SPAM1: variants seen among roughly 807,000 people sequenced by gnomAD.
The protein encoded by SPAM1 is hyaluronidase PH-20.
Under a neutral mutation model 29.6 loss-of-function variants are expected in SPAM1, and 22 were observed. The ratio of observed to expected loss-of-function variants is 0.74; its 90% confidence interval spans 0.53 to 1.06. The LOEUF (loss-of-function observed/expected upper bound fraction) is 1.06. Ranked by LOEUF, SPAM1 falls within the 50% of genes least tolerant of loss-of-function variation. The pLI is 0.00. For missense variants in SPAM1, 534 were observed against 604.0 expected, an observed-to-expected ratio of 0.88 and a Z score of 1.21; for synonymous variants, 194 against 204.6, an observed-to-expected ratio of 0.95 and a Z score of 0.44.
At chr7:123,966,217 G>A (rs184333437) in intron 5 of SPAM1, among the ~76,000 whole-genome samples, 2 of 152,010 alleles carry the variant, frequency 1.3e-5, no homozygotes, top group Admixed American at 6.6e-5. Flanking sequence ...AAACCACAAT[G>A]AGATACCAGC....
At chr7:123,956,113 A>G (rs1792244074) in intron 4 of SPAM1, among the ~76,000 whole-genome samples, 1 of 151,994 alleles carries the variant, frequency 6.6e-6, no homozygotes, top group Admixed American at 6.6e-5. Flanking sequence ...ATGACATACT[A>G]TTTAAGTGTC....
rs550596708 is a variant in SPAM1 at position 123,936,548 on chromosome 7, C to T, written c.-319+11196C>T. On this transcript the variant is annotated intron_variant, in intron 1 of 4. Coordinates refer to ENST00000682466, the MANE Select transcript of SPAM1 (RefSeq NM_153189.3). The stretch of plus-strand genomic sequence containing the variant: ...GGAATTGCAATCTTATAGCAGTCTA[C>T]GTGATTCTGCAGCAACAGGGAAACA... Among the ~76,000 whole-genome samples, 13 of 152,150 alleles carry T rather than the reference C, an allele frequency of 8.5e-5. 1 individual carries two copies. Among genetic ancestry groups the T allele is most frequent in the East Asian group, 7.7e-4 (4 of 5,188 alleles).
chr7:123,935,272 A>C (rs1808217245), intron 1 of SPAM1, among the ~76,000 whole-genome samples: 1 of 152,086 alleles, frequency 6.6e-6, no homozygotes, highest in Non-Finnish European at 1.5e-5. Flanking sequence ...AAAATAACTA[A>C]TATGCCAAAG....
chr7:123,959,930 T>A lies in SPAM1; in HGVS notation c.1491T>A (p.Ser497Arg). ...STLSATMFIV[S>R]ILFLIISSVA... is the part of the protein sequence containing the mutation. ...TATCTGCCACAATGTTCATTGTTAG[T>A]ATTTTGTTTCTTATCATTTCTTCTG... The change falls in exon 5 of 5, where the codon AGT becomes AGA. Residue 497 changes from serine (S) to arginine (R), a missense_variant. Transcript: ENST00000682466. 6.2e-7 allele frequency: 1 copy of A among 1,611,084 alleles called. No homozygotes were observed. Among genetic ancestry groups the A allele is most frequent in the Middle Eastern group, 1.7e-4 (1 of 6,036 alleles).
chr7:123,939,696 G>A (rs1808367888), intron 1 of SPAM1, among the ~76,000 whole-genome samples: 1 of 152,138 alleles, frequency 6.6e-6, no homozygotes, highest in Admixed American at 6.5e-5. Context: ...CATTATTTTT[G>A]TCTAAGTTTC....
downstream of SPAM1, among the ~76,000 whole-genome samples, chr7:123,964,443 T>C (rs1015469801): frequency 6.6e-6 from 1 of 151,972 alleles, no homozygotes; most frequent in Non-Finnish European, 1.5e-5. Context: ...TATACAATTA[T>C]GTAATTTTTA....
chr7:123,955,712 A>G (rs1211932639), intron 4 of SPAM1, among the ~76,000 whole-genome samples: 1 of 151,980 alleles, frequency 6.6e-6, no homozygotes. Context: ...TCTTTATTTA[A>G]AAATACTCAA....
intron 1 of SPAM1, among the ~76,000 whole-genome samples, chr7:123,933,028 A>C (rs1427750240): frequency 6.6e-6 from 1 of 152,004 alleles, no homozygotes; most frequent in Non-Finnish European, 1.5e-5. Context: ...AATAGCAAAC[A>C]ATTTTTAAAA....
intron 1 of SPAM1, among the ~76,000 whole-genome samples, chr7:123,945,766 T>C (rs1808560267): frequency 6.6e-6 from 1 of 151,980 alleles, no homozygotes; most frequent in African/African-American, 2.4e-5. Context: ...AGTTGTTTTT[T>C]AAGACAGAAA....
chr7:123,955,426 C>G (rs1454877115), intron 4 of SPAM1, among the ~76,000 whole-genome samples: 1 of 151,936 alleles, frequency 6.6e-6, no homozygotes, highest in Non-Finnish European at 1.5e-5. Flanking sequence ...GTTTAATTCT[C>G]TATATCAGAT....
chr7:123,947,619 C>CACACACACAG (rs1554429695), intron 1 of SPAM1: 11 of 143,594 alleles, frequency 7.7e-5, no homozygotes, highest in African/African-American at 2.8e-4. Flanking sequence ...CACACACACA[C>CACACACACAG]AGACAGGTTC....
At chr7:123,928,130 C>A (rs1370516569) in intron 1 of SPAM1, among the ~76,000 whole-genome samples, 1 of 152,046 alleles carries the variant, frequency 6.6e-6, no homozygotes, top group East Asian at 1.9e-4. Flanking sequence ...TATAAAAAAA[C>A]CCTGCTATAA....
At chr7:123,948,564 A>G (rs1251066215) in intron 1 of SPAM1, among the ~76,000 whole-genome samples, 1 of 152,090 alleles carries the variant, frequency 6.6e-6, no homozygotes, top group Non-Finnish European at 1.5e-5. Flanking sequence ...GTCTGTAGAG[A>G]AATGGAGACT....
chr7:123,957,652 A>G (rs1261841643), intron 4 of SPAM1, among the ~76,000 whole-genome samples: 2 of 152,092 alleles, frequency 1.3e-5, no homozygotes, highest in African/African-American at 2.4e-5. Context: ...GAAGAAGTCC[A>G]ATATGGGTTT....
intron 6 of SPAM1, among the ~76,000 whole-genome samples, chr7:123,970,592 A>AAAT (rs150055865): frequency 6.4e-4 from 94 of 146,244 alleles, no homozygotes; most frequent in Non-Finnish European, 1.1e-3. Flanking sequence ...CCATCTCTAC[A>AAAT]AATAATAATA....
intron 1 of SPAM1, among the ~76,000 whole-genome samples, chr7:123,941,348 A>C (rs1178740185): frequency 6.6e-6 from 1 of 152,204 alleles, no homozygotes; most frequent in Non-Finnish European, 1.5e-5. Flanking sequence ...ATTAATCAAT[A>C]TGTGTAAGAT....
intron 1 of SPAM1, among the ~76,000 whole-genome samples, chr7:123,938,401 A>C (rs1005052297): frequency 1.3e-5 from 2 of 152,222 alleles, no homozygotes; most frequent in African/African-American, 4.8e-5. Flanking sequence ...CTGCATCCTA[A>C]GTGCTCCATT....
intron 1 of SPAM1, among the ~76,000 whole-genome samples, chr7:123,926,379 C>A (rs568803337): frequency 6.6e-6 from 1 of 152,270 alleles, no homozygotes; most frequent in African/African-American, 2.4e-5. Context: ...TTGTTCTGGG[C>A]TTATCCTTAA....
At chr7:123,971,049 A>G (rs1398153817) in exon 7 of SPAM1, 1 of 152,116 alleles carries the variant, frequency 6.6e-6, no homozygotes, top group Non-Finnish European at 1.5e-5. Context: ...ATCCTTGGGT[A>G]TTAAGTGCAG....
Sources: gnomAD v4.1 joint callset for allele counts (sites outside exome capture counted in the v4.1 genomes callset) on GRCh38, gnomAD v4.1.1 for gene constraint, MANE v1.5 for transcripts, NCBI Gene and HGNC (gene_info 2026-07-23, HGNC 2026-07-21) for gene names.